AIRIM: variants seen among roughly 807,000 people sequenced by gnomAD.
AIRIM encodes AFG2-interacting ribosome maturation factor.
At chr1:37,689,554 C>T in the AIRIM span, 2 of 1,520,374 alleles carry the variant, frequency 1.3e-6, no homozygotes, top group Middle Eastern at 1.8e-4. Flanking sequence ...ACATATAAAA[C>T]ACCTCGTTTT....
At chr1:37,689,461 C>T in the AIRIM span, 1 of 975,738 alleles carries the variant, frequency 1.0e-6, no homozygotes, top group South Asian at 1.9e-5. Context: ...GGTCCCACTG[C>T]CCCAGATGAA....
the AIRIM span, chr1:37,683,423 T>C: frequency 1.2e-6 from 2 of 1,613,846 alleles, no homozygotes; most frequent in East Asian, 2.2e-5. Context: ...AAGAAGATAC[T>C]TTCTCTTCAG....
chr1:37,685,580 G>A, the AIRIM span, among the ~76,000 whole-genome samples: 1 of 151,846 alleles, frequency 6.6e-6, no homozygotes, highest in Non-Finnish European at 1.5e-5. Context: ...TAGAGACGGC[G>A]TTTCACCATG....
the AIRIM span, among the ~76,000 whole-genome samples, chr1:37,688,089 C>G: frequency 5.3e-5 from 8 of 152,168 alleles, no homozygotes; most frequent in African/African-American, 1.9e-4. Flanking sequence ...CAGAGTCTTG[C>G]TCTGTCACCC....
At chr1:37,689,657 C>A in the AIRIM span, 1 of 1,613,788 alleles carries the variant, frequency 6.2e-7, no homozygotes, top group East Asian at 2.2e-5. Context: ...CAGCTGCTTA[C>A]GCCTCAGCCG....
At chr1:37,690,282 G>A in the AIRIM span, 4 of 1,292,030 alleles carry the variant, frequency 3.1e-6, no homozygotes, top group Admixed American at 6.9e-5. Context: ...ACCGCGCCCG[G>A]CCTGCCTCAG....
the AIRIM span, chr1:37,683,705 G>A: frequency 2.9e-6 from 1 of 340,564 alleles, no homozygotes; most frequent in Non-Finnish European, 5.5e-6. Flanking sequence ...TGAAAAGAAA[G>A]AACAAAAGGG....
the AIRIM span, chr1:37,683,574 C>T: frequency 2.7e-4 from 255 of 927,710 alleles, no homozygotes; most frequent in African/African-American, 3.5e-3. Flanking sequence ...GCCTGATTCA[C>T]CTATGCTACA....
the AIRIM span, chr1:37,683,138 G>A: frequency 6.2e-7 from 1 of 1,612,736 alleles, no homozygotes; most frequent in East Asian, 2.2e-5. Context: ...CTTCCAGGAA[G>A]AAGGAAACAT....
At chr1:37,690,460 A>G in the AIRIM span, 53 of 1,263,372 alleles carry the variant, frequency 4.2e-5, no homozygotes, top group Non-Finnish European at 5.3e-5. Context: ...GAAAAACTTA[A>G]AAGTCCAGAC....
At chr1:37,681,757 TG>T in the AIRIM span, 3 of 152,124 alleles carry the variant, frequency 2.0e-5, no homozygotes, top group Non-Finnish European at 4.4e-5. Flanking sequence ...TTTGGGAAAA[TG>T]CATGTAAAAT....
chr1:37,683,316 T>C, the AIRIM span: 46 of 1,614,068 alleles, frequency 2.8e-5, no homozygotes, highest in East Asian at 4.5e-5. Context: ...CACAAACCAG[T>C]ACCTTGTACA....
the AIRIM span, among the ~76,000 whole-genome samples, chr1:37,689,374 T>A: frequency 6.6e-6 from 1 of 152,184 alleles, no homozygotes; most frequent in Non-Finnish European, 1.5e-5. Context: ...CTTCTTCTTT[T>A]GTGACTTCTA....
chr1:37,683,093 A>T, the AIRIM span: 1 of 1,601,114 alleles, frequency 6.2e-7, no homozygotes, highest in Non-Finnish European at 8.6e-7. Context: ...CAACTGTGGT[A>T]CCCGTGGTCT....
the AIRIM span, among the ~76,000 whole-genome samples, chr1:37,691,788 C>T: frequency 6.6e-6 from 1 of 152,246 alleles, no homozygotes; most frequent in African/African-American, 2.4e-5. Context: ...CTACTTGCAC[C>T]TGAAGTCGCA....
At chr1:37,689,617 T>G in the AIRIM span, 2 of 1,604,782 alleles carry the variant, frequency 1.2e-6, no homozygotes, top group Non-Finnish European at 1.7e-6. Flanking sequence ...GCCTTTCCCC[T>G]AGCTTGTCCA....
the AIRIM span, among the ~76,000 whole-genome samples, chr1:37,686,905 A>G: frequency 6.6e-6 from 1 of 151,996 alleles, no homozygotes; most frequent in African/African-American, 2.4e-5. Flanking sequence ...TCTACTAAAT[A>G]TACAAAAATT....
chr1:37,686,480 A>G, the AIRIM span: 4 of 1,602,504 alleles, frequency 2.5e-6, no homozygotes, highest in Non-Finnish European at 2.6e-6. Flanking sequence ...ACATTAGGCA[A>G]TATCATGAGA....
At chr1:37,690,740 G>A in the AIRIM span, among the ~76,000 whole-genome samples, 4 of 152,222 alleles carry the variant, frequency 2.6e-5, no homozygotes, top group African/African-American at 4.8e-5. Context: ...TAAATTGGGT[G>A]GCGGTGGTGG....
Sources: allele counts gnomAD v4.1 joint callset (sites outside exome capture counted in the v4.1 genomes callset), GRCh38; gene constraint gnomAD v4.1.1; transcripts MANE v1.5; gene names NCBI Gene and HGNC (gene_info 2026-07-23, HGNC 2026-07-21).